Variants in OLFM3 observed in about 807,000 individuals in gnomAD.
OLFM3 encodes olfactomedin 3, also known as noelin-3.
In OLFM3, 20 loss-of-function variants were observed where a neutral mutation model predicts 48.6. That is an observed-to-expected ratio of 0.41 (90% CI 0.29 to 0.60). The LOEUF is 0.60. Ranked by LOEUF, OLFM3 falls within the 20% of genes least tolerant of loss-of-function variation. OLFM3 has a pLI of 0.28. For synonymous variants in OLFM3, 222 were observed against 198.1 expected, an observed-to-expected ratio of 1.12 and a Z score of -1.01; for missense variants, 437 against 544.3, an observed-to-expected ratio of 0.80 and a Z score of 1.96.
intron 1 of OLFM3, among the ~76,000 whole-genome samples, chr1:101,868,918 G>A (rs572384092): frequency 1.3e-5 from 2 of 152,218 alleles, no homozygotes; most frequent in African/African-American, 4.8e-5. Context: ...GTGGTATTGG[G>A]CCTGTGTGTG....
At chr1:101,923,664 A>C (rs1659171814) in intron 1 of OLFM3, among the ~76,000 whole-genome samples, 1 of 152,142 alleles carries the variant, frequency 6.6e-6, no homozygotes, top group Non-Finnish European at 1.5e-5. Flanking sequence ...AGTTATCAGA[A>C]AATCTAAGTC....
At chr1:101,842,546 AAAT>A (rs1320827146) in intron 1 of OLFM3, among the ~76,000 whole-genome samples, 7 of 152,044 alleles carry the variant, frequency 4.6e-5, no homozygotes, top group South Asian at 2.1e-4. Context: ...GACTGTCTGA[AAAT>A]AATAATAATA....
At chr1:101,818,876 C>T (rs755901764) in intron 4 of OLFM3, among the ~76,000 whole-genome samples, 1 of 152,108 alleles carries the variant, frequency 6.6e-6, no homozygotes, top group South Asian at 2.1e-4. Context: ...ATCAAATTTG[C>T]TCTTGACCAT....
At chr1:101,875,343 TTTAG>T (rs1055837222) in intron 1 of OLFM3, among the ~76,000 whole-genome samples, 29 of 151,796 alleles carry the variant, frequency 1.9e-4, no homozygotes, top group Non-Finnish European at 2.7e-4. Context: ...AACTGTGGAG[TTTAG>T]TTAGTGTTAA....
chr1:101,824,919 T>C (rs1408798486), intron 4 of OLFM3, 107 bp downstream of exon 4: 2 of 973,738 alleles, frequency 2.1e-6, no homozygotes, highest in Admixed American at 4.7e-5. Flanking sequence ...TGGGCTCTGA[T>C]TTCTTTACAA....
intron 3 of OLFM3, 31 bp downstream of exon 3, chr1:101,830,641 G>A: frequency 6.2e-7 from 1 of 1,612,952 alleles, no homozygotes. Context: ...TGTCTGATTT[G>A]GATTGACAAG....
At chr1:101,914,700 AT>A (rs985050412) in intron 1 of OLFM3, among the ~76,000 whole-genome samples, 89 of 152,308 alleles carry the variant, frequency 5.8e-4, no homozygotes, top group African/African-American at 2.1e-3. Context: ...CTGTGTAGGT[AT>A]AGCCAAAGGT....
At chr1:101,877,167 T>C (rs1476940991) in intron 1 of OLFM3, among the ~76,000 whole-genome samples, 1 of 151,902 alleles carries the variant, frequency 6.6e-6, no homozygotes, top group Non-Finnish European at 1.5e-5. Context: ...ATACAAACCA[T>C]GGTTATTTCT....
intron 1 of OLFM3, among the ~76,000 whole-genome samples, chr1:101,920,569 G>C (rs1280741930): frequency 6.6e-6 from 1 of 152,110 alleles, no homozygotes; most frequent in Non-Finnish European, 1.5e-5. Flanking sequence ...AAATGCAGAG[G>C]GTTTATTTTT....
chr1:101,902,848 T>A (rs1447554453), intron 1 of OLFM3, among the ~76,000 whole-genome samples: 1 of 152,104 alleles, frequency 6.6e-6, no homozygotes, highest in Non-Finnish European at 1.5e-5. Flanking sequence ...CATTAGAGAA[T>A]GTAACTTATT....
intron 5 of OLFM3, among the ~76,000 whole-genome samples, 181 bp from the exon 6 acceptor site, chr1:101,805,096 C>T (rs911525491): frequency 2.0e-5 from 3 of 151,772 alleles, no homozygotes; most frequent in African/African-American, 7.3e-5. Flanking sequence ...TATGGTCTGT[C>T]CATGTGGAAA....
Position 101,923,806 on chromosome 1 carries a change from T to C in OLFM3, c.69+72942A>G, listed in dbSNP as rs192311211. 1.5e-4 allele frequency among the ~76,000 whole-genome samples: 23 copies of C among 152,320 alleles called. No individual in the cohort carries two copies. In the East Asian group the frequency reaches 4.4e-3, roughly 29 times the overall value. On this transcript the variant is annotated intron_variant, in intron 1 of 5. Coordinates refer to ENST00000370103, the MANE Select transcript of OLFM3 (RefSeq NM_058170.4). ...TACAGTTACAGTGGTTTCCCTTCAA[T>C]AGGTTGGGACTGTGTTTTTTTCTAA... is the stretch of plus-strand genomic sequence containing the variant.
chr1:101,984,375 G>A (rs982528045), intron 1 of OLFM3, among the ~76,000 whole-genome samples: 10 of 151,542 alleles, frequency 6.6e-5, no homozygotes, highest in Admixed American at 3.9e-4. Context: ...AACTTATCAT[G>A]TAATTCAGTT....
chr1:101,834,309 C>T (rs1655298803), intron 2 of OLFM3, among the ~76,000 whole-genome samples: 1 of 152,022 alleles, frequency 6.6e-6, no homozygotes, highest in African/African-American at 2.4e-5. Flanking sequence ...GATAACTATC[C>T]CTTCTATAAG....
At chr1:101,903,409 A>C (rs752857272) in intron 1 of OLFM3, among the ~76,000 whole-genome samples, 1 of 152,124 alleles carries the variant, frequency 6.6e-6, no homozygotes, top group Non-Finnish European at 1.5e-5. Flanking sequence ...AATTAGACAT[A>C]GTTCTGCCTG....
At chr1:101,863,468 C>T (rs1036239203) in intron 1 of OLFM3, among the ~76,000 whole-genome samples, 3 of 152,102 alleles carry the variant, frequency 2.0e-5, no homozygotes, top group African/African-American at 7.2e-5. Context: ...GATTTTTGAC[C>T]ATTTCTCTTA....
At chr1:101,908,447 G>T (rs891662816) in intron 1 of OLFM3, among the ~76,000 whole-genome samples, 2 of 152,088 alleles carry the variant, frequency 1.3e-5, no homozygotes, top group Non-Finnish European at 2.9e-5. Flanking sequence ...AGGTGTAGAC[G>T]GAAAAACTAG....
intron 1 of OLFM3, among the ~76,000 whole-genome samples, chr1:101,973,220 G>A (rs1429148188): frequency 6.6e-6 from 1 of 152,194 alleles, no homozygotes; most frequent in African/African-American, 2.4e-5. Flanking sequence ...ACCCAGTGCT[G>A]TAATTTAGTC....
At position 101,804,946 on chromosome 1, in the gene OLFM3, A is replaced by G. The variant is rs1399235907; in HGVS notation, c.700-31T>C. The G allele has an allele frequency of 6.6e-7, 1 of 1,524,450 alleles. No individual in the cohort carries two copies. Among genetic ancestry groups the G allele is most frequent in the East Asian group, 2.3e-5 (1 of 44,148 alleles). The allele number at this position is 1,524,450 out of a possible 1,614,324, so 94.4% of individuals were successfully genotyped here. On this transcript the variant is annotated intron_variant, in intron 5 of 5. Coordinates refer to ENST00000370103, the MANE Select transcript of OLFM3 (RefSeq NM_058170.4). The surrounding 1 kb of genome is among the most constrained non-coding windows in gnomAD (Gnocchi z 4.5). ...AAGAAGGAAAAAAATAAATGGAGTG[A>G]CTAAATTCTGTACTTTTCTGATAAC...
Sources: allele counts gnomAD v4.1 joint callset (sites outside exome capture counted in the v4.1 genomes callset), GRCh38; gene constraint gnomAD v4.1.1; non-coding constraint Gnocchi (gnomAD v3.1); transcripts MANE v1.5; gene names NCBI Gene and HGNC (gene_info 2026-07-23, HGNC 2026-07-21).